RCOR1: variants seen among roughly 807,000 people sequenced by gnomAD.
RCOR1 encodes the protein REST corepressor.
A neutral mutation model predicts 64.0 loss-of-function variants in RCOR1; 12 were observed. The ratio of observed to expected loss-of-function variants is 0.19; its 90% CI spans 0.12 to 0.30. RCOR1 has a LOEUF of 0.30. RCOR1 is among the 10% of genes least tolerant of loss of function. RCOR1 has a pLI of 1.00. For synonymous variants in RCOR1, 279 were observed against 227.2 expected (o/e 1.23, Z -2.05); for missense variants, 502 against 621.2 (o/e 0.81, Z 2.04).
At chr14:102,637,127 T>A (rs556193510) in intron 2 of RCOR1, among the ~76,000 whole-genome samples, 1 of 145,308 alleles carries the variant, frequency 6.9e-6, no homozygotes, top group Admixed American at 6.8e-5. Flanking sequence ...TTGTTTGTTT[T>A]TTTATTTTTT....
intron 2 of RCOR1, chr14:102,659,377 G>C: frequency 1.9e-6 from 1 of 522,914 alleles, no homozygotes; most frequent in Non-Finnish European, 2.5e-6. Flanking sequence ...CTATTCTGGT[G>C]GTGGGTAACA....
At chr14:102,608,989 T>C (rs1893572162) in intron 2 of RCOR1, among the ~76,000 whole-genome samples, 1 of 151,550 alleles carries the variant, frequency 6.6e-6, no homozygotes. Context: ...TATCTATTAG[T>C]GGAATTGCTG....
At chr14:102,600,776 T>C (rs1204511894) in intron 2 of RCOR1, among the ~76,000 whole-genome samples, 4 of 150,936 alleles carry the variant, frequency 2.7e-5, no homozygotes, top group Non-Finnish European at 3.0e-5. Flanking sequence ...TTCACCATGT[T>C]AGCCAGGATG....
intron 2 of RCOR1, among the ~76,000 whole-genome samples, chr14:102,617,610 G>A (rs1257784110): frequency 1.1e-5 from 1 of 93,584 alleles, no homozygotes; most frequent in Non-Finnish European, 2.1e-5. Context: ...TTTTTTTTTT[G>A]ATGGAGTCTT....
chr14:102,594,662 C>CT lies in RCOR1; in HGVS notation c.361+1351dup, dbSNP rs879395980. Among the ~76,000 whole-genome samples, 701 of 140,542 alleles carry CT rather than the reference C, an allele frequency of 5.0e-3. 3 individuals carry two copies. The highest frequency in any genetic ancestry group is 0.011 in the African/African-American group (418 of 38,412). 92.2% of individuals were successfully genotyped at this position (140,542 alleles called of 152,430 possible). A position where few individuals can be genotyped will look rare whatever the true frequency, so the allele number is the denominator to read the frequency against. ...TGATAGTTTCCTCTTCTCCCCAATTCTTTTTTTTTTTTTTGGTAGTCACTT... is the reference window on the plus strand; with the variant it reads ...TGATAGTTTCCTCTTCTCCCCAATTCTTTTTTTTTTTTTTTGGTAGTCACTT... On this transcript the variant is annotated intron_variant, in intron 2 of 11. Coordinates refer to ENST00000262241, the MANE Select transcript of RCOR1 (RefSeq NM_015156.4).
intron 2 of RCOR1, among the ~76,000 whole-genome samples, chr14:102,654,674 T>G (rs1256458558): frequency 6.6e-6 from 1 of 151,490 alleles, no homozygotes; most frequent in African/African-American, 2.4e-5. Flanking sequence ...GAGACCAGCC[T>G]GGGCAAGATA....
intron 3 of RCOR1, among the ~76,000 whole-genome samples, chr14:102,688,765 C>A (rs567564923): frequency 3.9e-4 from 59 of 152,286 alleles, no homozygotes; most frequent in African/African-American, 1.3e-3. Flanking sequence ...TTCTGTTGAA[C>A]CCCTATGAGG....
intron 2 of RCOR1, among the ~76,000 whole-genome samples, chr14:102,648,286 C>T (rs1464131572): frequency 3.9e-5 from 6 of 152,158 alleles, no homozygotes; most frequent in Non-Finnish European, 5.9e-5. Flanking sequence ...ACCATGTCGG[C>T]GAGGCTGGTC....
intron 2 of RCOR1, among the ~76,000 whole-genome samples, chr14:102,654,217 C>G (rs917536702): frequency 2.0e-5 from 3 of 151,858 alleles, no homozygotes; most frequent in Admixed American, 2.0e-4. Flanking sequence ...GAACTCCTGA[C>G]CTCAGGTGAT....
intron 2 of RCOR1, among the ~76,000 whole-genome samples, chr14:102,653,969 TTCTTTCTTTC>T (rs1894658399): frequency 9.5e-5 from 5 of 52,888 alleles, no homozygotes; most frequent in Non-Finnish European, 1.7e-4. Flanking sequence ...CTTTCTTTCT[TTCTTTCTTTC>T]TTTCTTTTTT....
chr14:102,661,587 A>G (rs913857574), intron 2 of RCOR1, among the ~76,000 whole-genome samples: 8 of 152,220 alleles, frequency 5.3e-5, no homozygotes, highest in Non-Finnish European at 4.4e-5. Context: ...AGGAAAAGCA[A>G]TGGGGGAAAG....
chr14:102,724,008 CTGACT>C (rs1896214776), intron 11 of RCOR1, among the ~76,000 whole-genome samples: 1 of 152,108 alleles, frequency 6.6e-6, no homozygotes, highest in Admixed American at 6.5e-5. Flanking sequence ...CATTGGTTGA[CTGACT>C]TAAGTGAGTC....
At position 102,723,292 on chromosome 14, in the gene RCOR1, G is replaced by A. The variant is rs368117494; in HGVS notation, c.1419+876G>A. 3.3e-5 allele frequency among the ~76,000 whole-genome samples: 5 copies of A among 152,268 alleles called. No individual in the cohort carries two copies. In the East Asian group the frequency reaches 9.6e-4, roughly 29 times the overall value. On this transcript the variant is annotated intron_variant, in intron 11 of 11. Coordinates refer to ENST00000262241, the MANE Select transcript of RCOR1 (RefSeq NM_015156.4). Reference sequence around the variant, plus strand: ...GCGTGTGCTACCATTTTGCTCCAAGGGCCTGGCTCTGGAAACAGCCCAGAA... The same window carrying A: ...GCGTGTGCTACCATTTTGCTCCAAGAGCCTGGCTCTGGAAACAGCCCAGAA...
Position 102,593,281 on chromosome 14 carries a change from G to T in RCOR1, c.317G>T (p.Arg106Met). 6.5e-7 allele frequency: 1 copy of T among 1,540,980 alleles called. No homozygotes were observed. Among genetic ancestry groups the T allele is most frequent in the Non-Finnish European group, 8.7e-7 (1 of 1,149,592 alleles). ...SDEEHGGGGM[R>M]VGPQYQAVVP... ...TCCCCCGCAGGTGGCGGTGGCATGA[G>T]GGTCGGACCCCAGTACCAGGCGGTG... The change falls in exon 2 of 12, where the codon AGG (arginine) becomes ATG (methionine). Residue 106 changes from arginine to methionine, a missense_variant. Around this residue, in one of 2 missense-constraint regions of RCOR1, gnomAD observed 242 missense variants for 204.9 expected, o/e 1.18. Coordinates refer to ENST00000262241, the MANE Select transcript of RCOR1 (RefSeq NM_015156.4).
At chr14:102,608,561 A>G (rs1893562908) in intron 2 of RCOR1, among the ~76,000 whole-genome samples, 1 of 151,830 alleles carries the variant, frequency 6.6e-6, no homozygotes, top group African/African-American at 2.4e-5. Flanking sequence ...CAGCCTCCCA[A>G]GTAGCTGGGA....
chr14:102,711,819 G>A (rs1895966349), intron 7 of RCOR1, among the ~76,000 whole-genome samples: 2 of 152,214 alleles, frequency 1.3e-5, no homozygotes, highest in Admixed American at 1.3e-4. Context: ...ACTGAAAGAA[G>A]AAAATTAAAG....
chr14:102,666,386 T>C (rs1315393355), intron 2 of RCOR1, among the ~76,000 whole-genome samples: 1 of 152,206 alleles, frequency 6.6e-6, no homozygotes, highest in African/African-American at 2.4e-5. Flanking sequence ...ACAAAGAGTT[T>C]CCATATACCC....
At chr14:102,677,182 G>A (rs1008517610) in intron 2 of RCOR1, among the ~76,000 whole-genome samples, 1 of 121,880 alleles carries the variant, frequency 8.2e-6, no homozygotes, top group Non-Finnish European at 1.7e-5. Context: ...CCTCCCTCCC[G>A]GACGGGGCGG....
intron 11 of RCOR1, among the ~76,000 whole-genome samples, chr14:102,724,355 C>T (rs975462249): frequency 2.5e-4 from 38 of 151,844 alleles, no homozygotes; most frequent in African/African-American, 8.7e-4. Flanking sequence ...GACAGAGTCT[C>T]CCTCTGTCAC....
Sources: allele counts gnomAD v4.1 joint callset (sites outside exome capture counted in the v4.1 genomes callset), GRCh38; gene constraint gnomAD v4.1.1; regional missense constraint gnomAD v4.1.1; transcripts MANE v1.5; gene names NCBI Gene and HGNC (gene_info 2026-07-23, HGNC 2026-07-21).